The following CFAP206 variants were observed in gnomAD, a reference collection of about 807,000 sequenced individuals.
CFAP206 encodes cilia- and flagella-associated protein 206.
In CFAP206, 53 loss-of-function variants were observed where a neutral mutation model predicts 65.4. That is an observed-to-expected ratio of 0.81 (90% CI 0.65 to 1.02). The LOEUF (loss-of-function observed/expected upper bound fraction) is 1.02. Ranked by LOEUF, CFAP206 falls within the 50% of genes least tolerant of loss-of-function variation. CFAP206 has a pLI of 0.00. For missense variants in CFAP206, 663 were observed against 753.2 expected (o/e 0.88, Z 1.40); for synonymous variants, 250 against 254.4 (o/e 0.98, Z 0.17).
chr6:87,414,803 C>T lies in CFAP206; in HGVS notation c.284-883C>T, dbSNP rs554552529. ...TCTTTGTTAGTTTCAGTTATGCTAC[C>T]TATGTAAAAGTATATATCTTGCGTT... On this transcript the variant is annotated intron_variant, in intron 4 of 12. Transcript: ENST00000369562. Among the ~76,000 whole-genome samples the T allele has an allele frequency of 6.1e-4, 93 of 152,050 alleles. 1 individual carries two copies. The highest frequency in any genetic ancestry group is 3.1e-4 in the Non-Finnish European group (21 of 67,984).
At chr6:87,435,133 C>A in intron 11 of CFAP206, 80 bp downstream of exon 11, 2 of 1,039,078 alleles carry the variant, frequency 1.9e-6, no homozygotes, top group South Asian at 1.7e-5. Flanking sequence ...TTGTAGAATG[C>A]TTCCCAGGTC....
chr6:87,428,656 ACCAGCTTG>A lies in CFAP206; in HGVS notation c.993_1000del (p.Ser332ArgfsTer11). The A allele has an allele frequency of 6.2e-7, 1 of 1,613,960 alleles. No homozygotes were observed. The highest frequency in any genetic ancestry group is 1.1e-5 in the South Asian group (1 of 91,072). On this transcript the variant is annotated frameshift_variant, in exon 9 of 13. Transcript: ENST00000369562. LOFTEE classifies it high-confidence loss of function. Reference sequence around the variant, plus strand: ...CTTCATTGCACTTTCTACTCTGTGGACCAGCTTGCAAGACGAAACTATTGTGGTTGGTG... The same window carrying A: ...CTTCATTGCACTTTCTACTCTGTGGACAAGACGAAACTATTGTGGTTGGTG...
intron 11 of CFAP206, among the ~76,000 whole-genome samples, chr6:87,447,159 C>T (rs1768459233): frequency 6.6e-6 from 1 of 151,982 alleles, no homozygotes; most frequent in Non-Finnish European, 1.5e-5. Flanking sequence ...TTTACTTCTT[C>T]TCTATTTGAA....
At chr6:87,463,825 C>T (rs920462195) in intron 12 of CFAP206, among the ~76,000 whole-genome samples, 195 bp from the exon 13 acceptor site, 7 of 151,950 alleles carry the variant, frequency 4.6e-5, no homozygotes, top group Non-Finnish European at 8.8e-5. Flanking sequence ...TATTTTTCTA[C>T]GTCTTGGTAA....
At chr6:87,460,646 G>A (rs1397942490) in intron 11 of CFAP206, among the ~76,000 whole-genome samples, 1 of 152,010 alleles carries the variant, frequency 6.6e-6, no homozygotes, top group Non-Finnish European at 1.5e-5. Context: ...AGTGGGAGGG[G>A]GGCATAGGCT....
At chr6:87,414,265 A>AT (rs1767787186) in intron 4 of CFAP206, among the ~76,000 whole-genome samples, 2 of 152,356 alleles carry the variant, frequency 1.3e-5, no homozygotes, top group South Asian at 4.1e-4. Context: ...TCAAAAATGA[A>AT]CGATGGGGAG....
chr6:87,427,254 C>T (rs1174543175), intron 8 of CFAP206, among the ~76,000 whole-genome samples: 1 of 152,208 alleles, frequency 6.6e-6, no homozygotes, highest in Admixed American at 6.5e-5. Context: ...TCTCCTAGCT[C>T]AGCCTCCCGA....
intron 7 of CFAP206, among the ~76,000 whole-genome samples, chr6:87,425,477 C>T (rs1379758984): frequency 6.6e-6 from 1 of 152,076 alleles, no homozygotes; most frequent in Admixed American, 6.5e-5. Context: ...ATATAGCTAA[C>T]ATATAAATAC....
intron 11 of CFAP206, among the ~76,000 whole-genome samples, chr6:87,440,112 A>G (rs1236438382): frequency 6.6e-6 from 1 of 152,152 alleles, no homozygotes; most frequent in Non-Finnish European, 1.5e-5. Flanking sequence ...TACAACATTG[A>G]GTCTCCCTAT....
chr6:87,428,592 G>T (rs1768095473), intron 8 of CFAP206, 34 bp from the exon 9 acceptor site: 1 of 1,556,896 alleles, frequency 6.4e-7, no homozygotes, highest in Non-Finnish European at 8.9e-7. Context: ...TTATTACACA[G>T]TTGCATTTTG....
chr6:87,443,891 C>T (rs181739779), intron 11 of CFAP206, among the ~76,000 whole-genome samples: 8 of 152,138 alleles, frequency 5.3e-5, no homozygotes, highest in South Asian at 2.1e-4. Flanking sequence ...TTTTCTGTTC[C>T]GGCATTAATT....
intron 11 of CFAP206, among the ~76,000 whole-genome samples, chr6:87,457,162 AAAAAG>A (rs1768659688): frequency 1.3e-5 from 2 of 151,538 alleles, no homozygotes; most frequent in East Asian, 3.9e-4. Context: ...AAAAAAAAAA[AAAAAG>A]AAAAGAAATT....
At chr6:87,411,979 T>A (rs944662574) in intron 3 of CFAP206, among the ~76,000 whole-genome samples, 1 of 152,188 alleles carries the variant, frequency 6.6e-6, no homozygotes, top group Non-Finnish European at 1.5e-5. Flanking sequence ...GGGAAGTGAT[T>A]GTGGCAGTCA....
chr6:87,425,497 C>T (rs1768024191), intron 7 of CFAP206, among the ~76,000 whole-genome samples: 1 of 152,144 alleles, frequency 6.6e-6, no homozygotes, highest in East Asian at 1.9e-4. Flanking sequence ...CTACTTCATC[C>T]TTTAGATAGT....
intron 11 of CFAP206, among the ~76,000 whole-genome samples, chr6:87,455,961 C>T (rs1045144440): frequency 2.6e-5 from 4 of 152,216 alleles, no homozygotes; most frequent in African/African-American, 9.6e-5. Context: ...CCTACTCAAA[C>T]TCTTTCAAAA....
At chr6:87,443,585 A>G (rs192243138) in intron 11 of CFAP206, among the ~76,000 whole-genome samples, 3,025 of 150,322 alleles carry the variant, frequency 0.02, 41 homozygotes, top group Non-Finnish European at 0.031. Flanking sequence ...CCTTTTTACT[A>G]TACTATGAGA....
chr6:87,410,164 G>C (rs775042557), intron 2 of CFAP206, among the ~76,000 whole-genome samples: 2 of 152,194 alleles, frequency 1.3e-5, no homozygotes, highest in Non-Finnish European at 2.9e-5. Flanking sequence ...GATGAGTTTT[G>C]GAAACATCAA....
At chr6:87,415,565 T>C (rs758604113) in intron 4 of CFAP206, 121 bp from the exon 5 acceptor site, 2 of 915,768 alleles carry the variant, frequency 2.2e-6, no homozygotes, top group Non-Finnish European at 3.5e-6. Flanking sequence ...TATTACAGCT[T>C]AAGAAATTAC....
At chr6:87,458,057 G>C (rs982923904) in intron 11 of CFAP206, among the ~76,000 whole-genome samples, 4 of 152,068 alleles carry the variant, frequency 2.6e-5, no homozygotes, top group Admixed American at 2.0e-4. Flanking sequence ...ATGGCAAATA[G>C]ATATATGAAA....
Sources: allele counts gnomAD v4.1 joint callset (sites outside exome capture counted in the v4.1 genomes callset), GRCh38; gene constraint gnomAD v4.1.1; transcripts MANE v1.5; gene names NCBI Gene and HGNC (gene_info 2026-07-23, HGNC 2026-07-21).